CHD4: variants seen among roughly 807,000 people sequenced by gnomAD.
CHD4 encodes the protein ATP-dependent chromatin remodeler CHD4.
Under a neutral mutation model 235.5 loss-of-function variants are expected in CHD4, and 35 were observed. That is an observed-to-expected ratio of 0.15 (90% CI 0.11 to 0.20). The LOEUF is 0.20. Ranked by LOEUF, CHD4 falls within the 10% of genes least tolerant of loss-of-function variation. The pLI is 1.00. For synonymous variants in CHD4, 900 were observed against 850.2 expected, an observed-to-expected ratio of 1.06 and a Z score of -1.02; for missense variants, 1,329 against 2,432.3, an observed-to-expected ratio of 0.55 and a Z score of 9.54.
At position 6,606,367 on chromosome 12, in the gene CHD4, A is replaced by C. The variant is rs1419728062; in HGVS notation, c.7T>G (p.Ser3Ala). The C allele has an allele frequency of 4.5e-6, 7 of 1,570,518 alleles. No homozygotes were observed. Among genetic ancestry groups the C allele is most frequent in the African/African-American group, 2.8e-5 (2 of 71,244 alleles). ...CAGGGGGACGGGGAGCCCAGGCCCG[A>C]CGCCATCCCCTTCCGCTCCCGGCCA... Reference protein sequence around the residue: MASGLGSPSPCSA... With the variant: MAAGLGSPSPCSA... The change falls in exon 2 of 40, where the codon TCG becomes GCG. Residue 3 changes from serine to alanine, a missense_variant. By Grantham distance (99) the Ser-to-Ala change is moderately conservative. Coordinates refer to ENST00000544040, the MANE Select transcript of CHD4 (RefSeq NM_001273.5).
chr12:6,602,620 G>C (rs1215467738), intron 2 of CHD4, 123 bp from the exon 3 acceptor site: 2 of 1,248,478 alleles, frequency 1.6e-6, no homozygotes, highest in African/African-American at 3.0e-5. Flanking sequence ...GAAGAGAACT[G>C]CTATACTCTG....
intron 29 of CHD4, 143 bp from the exon 30 acceptor site, chr12:6,582,424 C>T (rs1592265822): frequency 3.0e-6 from 4 of 1,312,084 alleles, no homozygotes; most frequent in Non-Finnish European, 4.2e-6. Flanking sequence ...GAAGGCTGAT[C>T]TCTAGACCCC....
In CHD4 at chr12:6,578,521, T is replaced by C. The variant is rs759898622; in HGVS notation, c.5007A>G (p.Lys1669=). ...DKEEKKEEEE[K]KEVMLQNGET... ...CTCCATTCTGAAGCATCACCTCTTT[T>C]TTCTCTTCTTCTTCTTTCTTCTCTT... Residue 1669 remains lysine (K), a synonymous_variant, in exon 35 of 40, where the codon AAA becomes AAG. Transcript: ENST00000544040. 10 of 1,612,146 alleles carry C rather than the reference T, an allele frequency of 6.2e-6. No individual in the cohort carries two copies. The highest frequency in any genetic ancestry group is 1.7e-5 in the Admixed American group (1 of 59,600).
At chr12:6,604,732 A>C (rs1225330456) in intron 2 of CHD4, among the ~76,000 whole-genome samples, 1 of 152,188 alleles carries the variant, frequency 6.6e-6, no homozygotes, top group African/African-American at 2.4e-5. Flanking sequence ...TTACTGAGAT[A>C]TAGAGAAGAT....
intron 38 of CHD4, 33 bp from the exon 39 acceptor site, chr12:6,571,065 G>A: frequency 1.2e-6 from 2 of 1,608,588 alleles, no homozygotes; most frequent in Non-Finnish European, 1.7e-6. Flanking sequence ...GGTGAGCTGT[G>A]GTGGCCCAGA....
chr12:6,573,045 C>G (rs759267211), intron 38 of CHD4, 29 bp downstream of exon 38: 1 of 1,580,162 alleles, frequency 6.3e-7, no homozygotes, highest in African/African-American at 1.4e-5. Context: ...GAGGCCGAAT[C>G]GGCAGGAGGC....
Position 6,597,094 on chromosome 12 carries a change from C to T in CHD4, c.1892+800G>A, listed in dbSNP as rs551318695. Among the ~76,000 whole-genome samples the T allele has an allele frequency of 1.8e-3, 266 of 148,660 alleles. 1 individual carries two copies. The highest frequency in any genetic ancestry group is 6.2e-3 in the African/African-American group (247 of 39,826). ...ACCATCCTGGCTAACACAGTGAAAT[C>T]CCGTCTCTACTAAAAATACAAAAAA... On this transcript the variant is annotated intron_variant, in intron 12 of 39. Coordinates refer to ENST00000544040, the MANE Select transcript of CHD4 (RefSeq NM_001273.5).
chr12:6,595,512 CT>C (rs1183038450), intron 13 of CHD4, 82 bp from the exon 14 acceptor site: 1 of 1,203,772 alleles, frequency 8.3e-7, no homozygotes, highest in Non-Finnish European at 1.2e-6. Context: ...TGGCTCACAC[CT>C]GTAATCCCAG....
chr12:6,591,435 TC>T lies in CHD4; in HGVS notation c.3340+30del, dbSNP rs778080546. On this transcript the variant is annotated intron_variant, in intron 22 of 39. Coordinates refer to ENST00000544040, the MANE Select transcript of CHD4 (RefSeq NM_001273.5). Reference sequence around the variant, plus strand: ...TCCAAAGATATAAGCAAATGAGGATTCCTGAAACTAAACAACTCCTTCTCTC... The same window carrying T: ...TCCAAAGATATAAGCAAATGAGGATTCTGAAACTAAACAACTCCTTCTCTC... The T allele has an allele frequency of 2.4e-5, 37 of 1,544,514 alleles. No individual in the cohort carries two copies. The East Asian group carries it at 8.3e-4, about 35-fold the overall frequency.
chr12:6,601,715 C>G lies in CHD4; in HGVS notation c.490G>C (p.Asp164His), dbSNP rs1948594164. The G allele has an allele frequency of 6.2e-7, 1 of 1,614,184 alleles. No homozygotes were observed. The highest frequency in any genetic ancestry group is 1.1e-5 in the South Asian group (1 of 91,074). ...LLEDWGMEDI[D>H]HVFSEEDYRT... ...TAATCCTCCTCTGAGAACACGTGGT[C>G]AATGTCTTCCATGCCCCAGTCTTCC... The change falls in exon 5 of 40, where the codon GAC becomes CAC. Residue 164 changes from aspartate to histidine, a missense_variant. Asp to His is a moderately conservative substitution (Grantham distance 81). Transcript: ENST00000544040.
At chr12:6,590,920 C>T (rs1291991789) in intron 22 of CHD4, among the ~76,000 whole-genome samples, 5 of 145,528 alleles carry the variant, frequency 3.4e-5, no homozygotes, top group African/African-American at 8.4e-5. Context: ...GTCAGGAGAT[C>T]GAGACCATCT....
intron 19 of CHD4, 114 bp from the exon 20 acceptor site, chr12:6,592,171 C>CA: frequency 1.5e-6 from 2 of 1,361,312 alleles, no homozygotes; most frequent in Non-Finnish European, 2.1e-6. Flanking sequence ...GAACTAAGGA[C>CA]ACCTAACGCA....
chr12:6,580,828 GA>G lies in CHD4; in HGVS notation c.4909+215del, dbSNP rs199787127. On this transcript the variant is annotated intron_variant, in intron 33 of 39. Coordinates refer to ENST00000544040, the MANE Select transcript of CHD4 (RefSeq NM_001273.5). ...TTTAGACCAGCCTGGCCAACATGGT[GA>G]AACCCTGTCTCTACTAAAAATACAA... 6.8e-5 allele frequency: 37 copies of G among 544,574 alleles called. No individual in the cohort carries two copies. In the East Asian group the frequency reaches 1.1e-3, roughly 16 times the overall value. The allele number at this position is 544,574 out of a possible 1,614,324, so 33.7% of individuals were successfully genotyped here.
In CHD4 at chr12:6,582,713, A is replaced by G; in HGVS notation, c.4272T>C (p.Phe1424=). ...TACCATATCGCATAATTGCATTAAG[A>G]AAGGCTTTTCGCTGACGAGCATTAA... ...LGFNARQRKA[F]LNAIMRYGMP... Residue 1424 remains phenylalanine, a synonymous_variant, in exon 29 of 40, where the codon TTT becomes TTC. Coordinates refer to ENST00000544040, the MANE Select transcript of CHD4 (RefSeq NM_001273.5). 6.2e-7 allele frequency: 1 copy of G among 1,614,204 alleles called. No individual in the cohort carries two copies. The highest frequency in any genetic ancestry group is 1.1e-5 in the South Asian group (1 of 91,084).
At chr12:6,596,991 C>A (rs984432748) in intron 12 of CHD4, among the ~76,000 whole-genome samples, 2 of 149,428 alleles carry the variant, frequency 1.3e-5, no homozygotes, top group African/African-American at 2.5e-5. Context: ...ATAAATAGGC[C>A]GAGTGCGGCG....
At chr12:6,587,318 C>T (rs897999207) in intron 25 of CHD4, 66 bp downstream of exon 25, 370 of 1,534,602 alleles carry the variant, frequency 2.4e-4, no homozygotes, top group Non-Finnish European at 3.0e-4. Context: ...TCAAATACCA[C>T]CTTGGTCTCA....
At chr12:6,575,202 C>T (rs1948047605) in intron 37 of CHD4, among the ~76,000 whole-genome samples, 1 of 152,110 alleles carries the variant, frequency 6.6e-6, no homozygotes, top group South Asian at 2.1e-4. Context: ...AATCCCAGCA[C>T]TTTGGGAGGA....
In CHD4 at chr12:6,580,339, T is replaced by C. The variant is rs192769055; in HGVS notation, c.4909+705A>G. On this transcript the variant is annotated intron_variant, in intron 33 of 39. Transcript: ENST00000544040. ...GGTGCAGGATTCTTCAGTGTGTCGC[T>C]TCCTCCTGATATCTCTACAGCCCCA... 887 of 152,326 alleles carry C rather than the reference T, an allele frequency of 5.8e-3. 3 individuals are homozygous for C. Among genetic ancestry groups the C allele is most frequent in the Non-Finnish European group, 0.01 (713 of 68,072 alleles). 9.4% of individuals were successfully genotyped at this position (152,326 alleles called of 1,614,324 possible).
At chr12:6,572,698 T>C (rs930627383) in intron 38 of CHD4, among the ~76,000 whole-genome samples, 2 of 152,104 alleles carry the variant, frequency 1.3e-5, no homozygotes, top group Non-Finnish European at 2.9e-5. Context: ...GCTAGGATTA[T>C]AAGCGTGCGT....
Sources: gnomAD v4.1 joint callset for allele counts (sites outside exome capture counted in the v4.1 genomes callset) on GRCh38, gnomAD v4.1.1 for gene constraint, MANE v1.5 for transcripts, NCBI Gene and HGNC (gene_info 2026-07-23, HGNC 2026-07-21) for gene names.